NFAT5: variants seen among roughly 807,000 people sequenced by gnomAD.
The protein encoded by NFAT5 is nuclear factor of activated T-cells 5.
Under a neutral mutation model 166.5 loss-of-function variants are expected in NFAT5, and 31 were observed. The ratio of observed to expected loss-of-function variants is 0.19; its 90% confidence interval spans 0.14 to 0.25. NFAT5 has a LOEUF of 0.25. NFAT5 is among the 10% of genes least tolerant of loss of function. NFAT5 has a pLI of 1.00. For missense variants in NFAT5, 1,449 were observed against 1,821.8 expected (o/e 0.80, Z 3.72); for synonymous variants, 612 against 639.7 (o/e 0.96, Z 0.65).
intron 2 of NFAT5, among the ~76,000 whole-genome samples, chr16:69,592,416 G>A (rs1467624284): frequency 6.6e-6 from 1 of 151,998 alleles, no homozygotes; most frequent in Admixed American, 6.5e-5. Context: ...GTACTTAGTT[G>A]TCACTGATTT....
intron 2 of NFAT5, among the ~76,000 whole-genome samples, chr16:69,601,353 A>G (rs781683834): frequency 6.6e-6 from 1 of 152,108 alleles, no homozygotes; most frequent in Non-Finnish European, 1.5e-5. Context: ...GATAGCTGCA[A>G]AGTATTACGT....
chr16:69,635,751 C>G (rs556225847), intron 3 of NFAT5, among the ~76,000 whole-genome samples: 1 of 152,094 alleles, frequency 6.6e-6, no homozygotes, highest in Non-Finnish European at 1.5e-5. Flanking sequence ...AAGAATAGCA[C>G]GGGAAAGACC....
At chr16:69,598,727 TA>T (rs1413268794) in intron 2 of NFAT5, among the ~76,000 whole-genome samples, 1 of 152,048 alleles carries the variant, frequency 6.6e-6, no homozygotes, top group Non-Finnish European at 1.5e-5. Context: ...GAAATGATTA[TA>T]AAAATGTCAG....
Position 69,653,271 on chromosome 16 carries a change from A to G in NFAT5, c.848A>G (p.Lys283Arg). ...AACCAAAAAGGAACTGGAGTAAAGA[A>G]GAGCCCTATGTTGTGTGGACAATAT... ...LENQKGTGVK[K>R]SPMLCGQYPV... is the part of the protein sequence containing the mutation. Residue 283 changes from lysine to arginine, a missense_variant, in exon 5 of 15, where the codon AAG becomes AGG. Around this residue, in one of 7 missense-constraint regions of NFAT5, gnomAD observed 115 missense variants for 177.1 expected, o/e 0.65. Coordinates refer to ENST00000349945, the MANE Select transcript of NFAT5 (RefSeq NM_138713.4). The G allele has an allele frequency of 6.3e-7, 1 of 1,597,850 alleles. No individual in the cohort carries two copies. Among genetic ancestry groups the G allele is most frequent in the Non-Finnish European group, 8.5e-7 (1 of 1,175,278 alleles).
intron 5 of NFAT5, 106 bp from the exon 6 acceptor site, chr16:69,655,503 A>T: frequency 1.2e-6 from 1 of 843,180 alleles, no homozygotes; most frequent in Middle Eastern, 2.9e-4. Context: ...ATTTTTTTAA[A>T]TGTAATTCAG....
At chr16:69,673,488 A>G (rs1167572442) in intron 9 of NFAT5, among the ~76,000 whole-genome samples, 1 of 152,008 alleles carries the variant, frequency 6.6e-6, no homozygotes, top group Non-Finnish European at 1.5e-5. Flanking sequence ...TTTGGGAGGT[A>G]GAGGCAGGAG....
intron 7 of NFAT5, 77 bp from the exon 8 acceptor site, chr16:69,669,900 G>T: frequency 7.7e-7 from 1 of 1,292,988 alleles, no homozygotes; most frequent in Non-Finnish European, 1.1e-6. Flanking sequence ...TCATAGAACC[G>T]GATGATTGCA....
At position 69,693,077 on chromosome 16, in the gene NFAT5, T is replaced by C. The variant is rs2037616793; in HGVS notation, c.3252T>C (p.His1084=). The C allele has an allele frequency of 6.2e-7, 1 of 1,614,022 alleles. No homozygotes were observed. Among genetic ancestry groups the C allele is most frequent in the South Asian group, 1.1e-5 (1 of 91,084 alleles). ...GAAATTTTTTGCAGCAGTCTTCTCA[T>C]TCACAGGCCCAACTTTTTCATCCTC... ...QSGNFLQQSS[H]SQAQLFHPQN... is the part of the protein sequence containing the mutation. The change falls in exon 13 of 15, where the codon CAT becomes CAC. Residue 1084 remains histidine, a synonymous_variant. Transcript: ENST00000349945.
chr16:69,571,360 G>A lies in NFAT5; in HGVS notation c.127+2812G>A, dbSNP rs920336726. On this transcript the variant is annotated intron_variant, in intron 2 of 14. Coordinates refer to ENST00000349945, the MANE Select transcript of NFAT5 (RefSeq NM_138713.4). ...AAATAAGAACTCAGCGAATTCTCCT[G>A]ACTACCCTTTGAGATGGTTATTATT... is the stretch of plus-strand genomic sequence containing the variant. 3.3e-5 allele frequency among the ~76,000 whole-genome samples: 5 copies of A among 151,872 alleles called. No homozygotes were observed. The East Asian group carries it at 9.6e-4, about 29-fold the overall frequency.
At chr16:69,579,156 C>T (rs537630551) in intron 2 of NFAT5, among the ~76,000 whole-genome samples, 7 of 152,192 alleles carry the variant, frequency 4.6e-5, no homozygotes, top group African/African-American at 1.2e-4. Context: ...TTACAGGCGC[C>T]GGCCACTGCG....
Position 69,565,988 on chromosome 16 carries a change from C to G in NFAT5, c.-314C>G. 2.1e-4 allele frequency: 56 copies of G among 269,354 alleles called. No individual in the cohort carries two copies. The highest frequency in any genetic ancestry group is 1.3e-3 in the Middle Eastern group (1 of 766). The allele number at this position is 269,354 out of a possible 1,614,324, so 16.7% of individuals were successfully genotyped here. ...CTCAGATTCCTGTCAGCGGCGGCGGCGGTGGCGGCGACCGTCAGTTTTCGC... is the reference window on the plus strand; with the variant it reads ...CTCAGATTCCTGTCAGCGGCGGCGGGGGTGGCGGCGACCGTCAGTTTTCGC... On this transcript the variant is annotated 5_prime_UTR_variant, in exon 1 of 15. Coordinates refer to ENST00000349945, the MANE Select transcript of NFAT5 (RefSeq NM_138713.4).
Position 69,649,288 on chromosome 16 carries a change from G to A in NFAT5, c.812+1702G>A. ...AGAAAGTCTTTAATATAAAGTTCCA[G>A]AAGATAAATTTTCATTTTTATATCA... On this transcript the variant is annotated intron_variant, in intron 4 of 14. Coordinates refer to ENST00000349945, the MANE Select transcript of NFAT5 (RefSeq NM_138713.4). The A allele has an allele frequency of 4.2e-6, 4 of 961,308 alleles. No homozygotes were observed. The South Asian group carries it at 1.9e-4, about 46-fold the overall frequency. 59.5% of individuals were successfully genotyped at this position (961,308 alleles called of 1,614,324 possible).
chr16:69,605,730 G>A (rs1003136174), intron 2 of NFAT5, among the ~76,000 whole-genome samples: 90 of 149,638 alleles, frequency 6.0e-4, no homozygotes, highest in Middle Eastern at 3.4e-3. Flanking sequence ...TTTTTGAGAC[G>A]GAGTCTCGTT....
Position 69,644,015 on chromosome 16 carries a change from G to A in NFAT5, c.254-3013G>A, listed in dbSNP as rs1049355587. On this transcript the variant is annotated intron_variant, in intron 3 of 14. Transcript: ENST00000349945. Reference sequence around the variant, plus strand: ...GGTAAAGAATTTTAGGCTGGGTGTGGTGGCTCACGCTTATAATCCCAGTAC... The same window carrying A: ...GGTAAAGAATTTTAGGCTGGGTGTGATGGCTCACGCTTATAATCCCAGTAC... Among the ~76,000 whole-genome samples, 10 of 152,154 alleles carry A rather than the reference G, an allele frequency of 6.6e-5. No homozygotes were observed. In the East Asian group the frequency reaches 9.6e-4, roughly 15 times the overall value.
intron 3 of NFAT5, among the ~76,000 whole-genome samples, chr16:69,642,462 G>T (rs555131091): frequency 6.6e-6 from 1 of 152,106 alleles, no homozygotes; most frequent in African/African-American, 2.4e-5. Context: ...TTATAGAATG[G>T]TCTATTAATT....
chr16:69,677,192 C>A lies in NFAT5; in HGVS notation c.1558-11C>A. On this transcript the variant is annotated splice_polypyrimidine_tract_variant and intron_variant, in intron 9 of 14. Transcript: ENST00000349945. ...CTTCTTTTCCAACTCTTGTGCTTTT[C>A]TTTACATTAGAATCATCTTATTGTG... 6.3e-7 allele frequency: 1 copy of A among 1,592,344 alleles called. No individual in the cohort carries two copies. Among genetic ancestry groups the A allele is most frequent in the Non-Finnish European group, 8.5e-7 (1 of 1,174,068 alleles).
At chr16:69,582,350 AC>A (rs1323673068) in intron 2 of NFAT5, among the ~76,000 whole-genome samples, 2 of 152,048 alleles carry the variant, frequency 1.3e-5, no homozygotes, top group Non-Finnish European at 2.9e-5. Context: ...CATTTGATGC[AC>A]AAATATTTTA....
Position 69,692,109 on chromosome 16 carries a change from T to G in NFAT5, c.2284T>G (p.Ser762Ala). Residue 762 changes from serine to alanine, a missense_variant, in exon 13 of 15, where the codon TCA (serine) becomes GCA (alanine). Ser to Ala is a moderately conservative substitution (Grantham distance 99). This residue lies in a region of NFAT5 where 891 missense variants were observed against 993.0 expected (regional missense o/e 0.90). Transcript: ENST00000349945. Reference sequence around the variant, plus strand: ...TGAGGCATCACAACAACAGCAGCAGTCACCACTACAAGAACAAGCACAGAC... The same window carrying G: ...TGAGGCATCACAACAACAGCAGCAGGCACCACTACAAGAACAAGCACAGAC... ...LTEASQQQQQ[S>A]PLQEQAQTLQ... 1 of 1,614,136 alleles carries G rather than the reference T, an allele frequency of 6.2e-7. No individual in the cohort carries two copies. The highest frequency in any genetic ancestry group is 1.1e-5 in the South Asian group (1 of 91,078).
At chr16:69,606,511 A>G (rs2151548901) in intron 2 of NFAT5, among the ~76,000 whole-genome samples, 1 of 151,940 alleles carries the variant, frequency 6.6e-6, no homozygotes, top group African/African-American at 2.4e-5. Flanking sequence ...GGCGAAACAG[A>G]ACACTTCTGC....
Sources: allele counts gnomAD v4.1 joint callset (sites outside exome capture counted in the v4.1 genomes callset), GRCh38; gene constraint gnomAD v4.1.1; regional missense constraint gnomAD v4.1.1; transcripts MANE v1.5; gene names NCBI Gene and HGNC (gene_info 2026-07-23, HGNC 2026-07-21).